The following CDK17 variants were observed in gnomAD, a reference collection of about 807,000 sequenced individuals.
CDK17 encodes the protein cyclin dependent kinase 17.
Under a neutral mutation model 77.6 loss-of-function variants are expected in CDK17, and 24 were observed. That is an observed-to-expected ratio of 0.31 (90% CI 0.22 to 0.44). The LOEUF (loss-of-function observed/expected upper bound fraction) is 0.44, where lower values mean the gene tolerates loss of function less well. Ranked by LOEUF, CDK17 falls within the 20% of genes least tolerant of loss-of-function variation. The probability of loss-of-function intolerance (pLI) is 1.00; values close to 1 mark genes in which losing one functional copy is unlikely to be tolerated. For missense variants in CDK17, 429 were observed against 622.5 expected, an observed-to-expected ratio of 0.69 and a Z score of 3.31; for synonymous variants, 203 against 210.4, an observed-to-expected ratio of 0.96 and a Z score of 0.30.
chr12:96,397,731 A>C (rs1324180440), intron 1 of CDK17, among the ~76,000 whole-genome samples: 1 of 152,176 alleles, frequency 6.6e-6, no homozygotes, highest in African/African-American at 2.4e-5. Context: ...CAATTTTCTA[A>C]TTCGATACTG....
At chr12:96,348,538 A>AAC (rs1565830734) in intron 1 of CDK17, among the ~76,000 whole-genome samples, 12 of 151,004 alleles carry the variant, frequency 7.9e-5, no homozygotes, top group South Asian at 2.1e-4. Context: ...AAAAAAAAAA[A>AAC]AAAACAAAAA....
At chr12:96,370,715 G>A (rs1223312011) in intron 1 of CDK17, among the ~76,000 whole-genome samples, 1 of 152,194 alleles carries the variant, frequency 6.6e-6, no homozygotes, top group Non-Finnish European at 1.5e-5. Context: ...AAGCAGATGT[G>A]TGAATCCGGC....
intron 5 of CDK17, among the ~76,000 whole-genome samples, chr12:96,307,823 C>T (rs1417822819): frequency 1.3e-5 from 2 of 152,072 alleles, no homozygotes; most frequent in African/African-American, 4.8e-5. Context: ...GAGCCGAGAT[C>T]GCGCCATTGT....
At chr12:96,310,481 A>C (rs921329200) in intron 5 of CDK17, among the ~76,000 whole-genome samples, 7 of 152,124 alleles carry the variant, frequency 4.6e-5, no homozygotes, top group African/African-American at 1.7e-4. Context: ...TACTATAAAA[A>C]CAGTATGATC....
At chr12:96,373,683 A>G (rs1953730524) in intron 1 of CDK17, among the ~76,000 whole-genome samples, 1 of 152,182 alleles carries the variant, frequency 6.6e-6, no homozygotes, top group South Asian at 2.1e-4. Context: ...GCACTTTGGG[A>G]GGCCAAGGCG....
intron 1 of CDK17, among the ~76,000 whole-genome samples, chr12:96,383,915 C>G (rs990325381): frequency 1.3e-5 from 2 of 152,096 alleles, no homozygotes; most frequent in Non-Finnish European, 2.9e-5. Flanking sequence ...ACAAGCAGGA[C>G]GTAATGAAAC....
At chr12:96,398,833 G>T (rs534120544) in intron 1 of CDK17, among the ~76,000 whole-genome samples, 135 of 152,304 alleles carry the variant, frequency 8.9e-4, no homozygotes, top group Non-Finnish European at 1.1e-3. Flanking sequence ...TGACGAAGAG[G>T]TGATAGAACA....
chr12:96,297,913 C>T (rs1952433138), intron 7 of CDK17, among the ~76,000 whole-genome samples, 192 bp from the exon 8 acceptor site: 3 of 150,790 alleles, frequency 2.0e-5, no homozygotes. Context: ...CAAGACCAGC[C>T]TGGGCAACAA....
At chr12:96,335,346 G>A (rs911011374) in intron 1 of CDK17, 2 of 241,680 alleles carry the variant, frequency 8.3e-6, no homozygotes. Flanking sequence ...TCCTTTTTAC[G>A]CTCTTACACA....
At chr12:96,293,076 A>G (rs1952348057) in intron 10 of CDK17, among the ~76,000 whole-genome samples, 1 of 152,236 alleles carries the variant, frequency 6.6e-6, no homozygotes, top group Non-Finnish European at 1.5e-5. Context: ...AAATTTTAAA[A>G]TATTATTTTC....
chr12:96,361,188 G>A (rs566151307), intron 1 of CDK17, among the ~76,000 whole-genome samples: 2 of 152,308 alleles, frequency 1.3e-5, no homozygotes, highest in East Asian at 3.9e-4. Flanking sequence ...GCTAGTTGAT[G>A]CTGGCATCTC....
intron 1 of CDK17, among the ~76,000 whole-genome samples, chr12:96,378,736 G>A (rs1953829024): frequency 1.3e-5 from 2 of 152,198 alleles, no homozygotes; most frequent in South Asian, 4.1e-4. Context: ...ACAAAGGATT[G>A]AGTGACTAAA....
intron 2 of CDK17, among the ~76,000 whole-genome samples, chr12:96,329,319 A>T: frequency 6.6e-6 from 1 of 152,330 alleles, no homozygotes; most frequent in Non-Finnish European, 1.5e-5. Context: ...CATAACTTTT[A>T]AAAAGTAATA....
In CDK17 at chr12:96,400,000, A is replaced by G. The variant is rs1954233909; in HGVS notation, c.-44T>C. 2.6e-6 allele frequency: 1 copy of G among 379,524 alleles called. No individual in the cohort carries two copies. Among genetic ancestry groups the G allele is most frequent in the Non-Finnish European group, 4.7e-6 (1 of 214,166 alleles). 23.5% of individuals were successfully genotyped at this position (379,524 alleles called of 1,614,324 possible). ...CGCCAACTCACCAGCAAGAGCGGGG[A>G]CCGCGGGTCCCGAGGCGAGGCGAAG... On this transcript the variant is annotated 5_prime_UTR_variant, in exon 1 of 17. Coordinates refer to ENST00000261211, the MANE Select transcript of CDK17 (RefSeq NM_002595.5).
intron 3 of CDK17, among the ~76,000 whole-genome samples, chr12:96,316,986 G>C (rs1246187508): frequency 6.8e-6 from 1 of 148,022 alleles, no homozygotes; most frequent in Non-Finnish European, 1.5e-5. Context: ...AGAGAAGAAG[G>C]CTTCAGACGA....
chr12:96,348,580 G>C (rs2137167739), intron 1 of CDK17, among the ~76,000 whole-genome samples: 1 of 144,362 alleles, frequency 6.9e-6, no homozygotes, highest in African/African-American at 2.6e-5. Flanking sequence ...TAAATTTTTA[G>C]CTAGACTGAC....
chr12:96,290,120 CCCATGGG>C (rs903056600), intron 10 of CDK17, among the ~76,000 whole-genome samples: 1 of 152,130 alleles, frequency 6.6e-6, no homozygotes, highest in African/African-American at 2.4e-5. Context: ...CCATATATGG[CCCATGGG>C]CCATGGGTTG....
chr12:96,353,804 A>G (rs1953352105), intron 1 of CDK17, among the ~76,000 whole-genome samples: 2 of 152,210 alleles, frequency 1.3e-5, no homozygotes. Flanking sequence ...TAGTAATAAT[A>G]GTAACCATAA....
intron 12 of CDK17, 69 bp downstream of exon 12, chr12:96,286,595 A>C: frequency 8.7e-6 from 9 of 1,029,598 alleles, no homozygotes; most frequent in African/African-American, 1.6e-5. Flanking sequence ...TATGTATTTT[A>C]GAGATACAGT....
Sources: allele counts gnomAD v4.1 joint callset (sites outside exome capture counted in the v4.1 genomes callset), GRCh38; gene constraint gnomAD v4.1.1; transcripts MANE v1.5; gene names NCBI Gene and HGNC (gene_info 2026-07-23, HGNC 2026-07-21).